The following SH3GL2 variants were observed in gnomAD, a reference collection of about 807,000 sequenced individuals.
SH3GL2 encodes SH3 domain containing GRB2 like 2, endophilin A1.
Under a neutral mutation model 46.0 loss-of-function variants are expected in SH3GL2, and 24 were observed. The observed-to-expected ratio is 0.52, with a 90% confidence interval of 0.38 to 0.73. The LOEUF (loss-of-function observed/expected upper bound fraction) is 0.73, where lower values mean the gene tolerates loss of function less well. SH3GL2 is among the 30% of genes least tolerant of loss of function. The pLI is 0.00. For synonymous variants in SH3GL2, 196 were observed against 147.1 expected (o/e 1.33, Z -2.40); for missense variants, 413 against 424.2 (o/e 0.97, Z 0.23).
At chr9:17,709,091 T>C (rs1051879808) in intron 1 of SH3GL2, among the ~76,000 whole-genome samples, 1 of 152,082 alleles carries the variant, frequency 6.6e-6, no homozygotes, top group East Asian at 1.9e-4. Context: ...AGTTTTTGTT[T>C]CTAATGTGGG....
intron 3 of SH3GL2, among the ~76,000 whole-genome samples, chr9:17,783,335 C>G (rs1823865934): frequency 6.6e-6 from 1 of 151,514 alleles, no homozygotes; most frequent in African/African-American, 2.4e-5. Context: ...GAAATAAAAA[C>G]TAAGATTTAG....
chr9:17,617,703 A>G (rs775819025), intron 1 of SH3GL2, among the ~76,000 whole-genome samples: 4 of 152,312 alleles, frequency 2.6e-5, no homozygotes, highest in Non-Finnish European at 5.9e-5. Context: ...GATACTGGAA[A>G]CTAGCTAACT....
chr9:17,777,652 A>G (rs1823679690), intron 3 of SH3GL2, among the ~76,000 whole-genome samples: 1 of 152,038 alleles, frequency 6.6e-6, no homozygotes, highest in Admixed American at 6.6e-5. Context: ...ACGCCTTCTC[A>G]CTATGTCCTC....
At chr9:17,763,740 G>A (rs748695942) in intron 3 of SH3GL2, among the ~76,000 whole-genome samples, 12 of 152,020 alleles carry the variant, frequency 7.9e-5, no homozygotes, top group Non-Finnish European at 5.9e-5. Flanking sequence ...TTTTATTCAG[G>A]AAAAAACAAG....
At chr9:17,654,877 C>T (rs1466202392) in intron 1 of SH3GL2, among the ~76,000 whole-genome samples, 1 of 152,150 alleles carries the variant, frequency 6.6e-6, no homozygotes, top group Non-Finnish European at 1.5e-5. Flanking sequence ...AACATGTAGA[C>T]ATTTTCCATC....
rs1818281938 is a variant in SH3GL2, at chr9:17,581,850, T to C, written c.45+2563T>C. 2.0e-5 allele frequency among the ~76,000 whole-genome samples: 3 copies of C among 152,106 alleles called. No homozygotes were observed. The South Asian group carries it at 6.2e-4, about 32-fold the overall frequency. ...AGTAGCTGGGATTATAGGCATGCAC[T>C]ACCACGCTCAGCTAATTTTTGTATT... On this transcript the variant is annotated intron_variant, in intron 1 of 8. Coordinates refer to ENST00000380607, the MANE Select transcript of SH3GL2 (RefSeq NM_003026.5).
chr9:17,779,823 T>A (rs1465585892), intron 3 of SH3GL2, among the ~76,000 whole-genome samples: 1 of 152,188 alleles, frequency 6.6e-6, no homozygotes, highest in Admixed American at 6.6e-5. Context: ...GGTTGTCTGC[T>A]ATACAACCAC....
chr9:17,640,638 C>A (rs977213895), intron 1 of SH3GL2, among the ~76,000 whole-genome samples: 2 of 152,168 alleles, frequency 1.3e-5, no homozygotes, highest in African/African-American at 2.4e-5. Flanking sequence ...TAGCAGACAG[C>A]ATATGCCCTC....
Position 17,777,194 on chromosome 9 carries a change from T to C in SH3GL2, c.188-9187T>C, listed in dbSNP as rs1309946590. Reference sequence around the variant, plus strand: ...TTGTTACCCAAGGACTCAATAACCATGCAGTCAATAAACTGTATATATTTT... The same window carrying C: ...TTGTTACCCAAGGACTCAATAACCACGCAGTCAATAAACTGTATATATTTT... On this transcript the variant is annotated intron_variant, in intron 3 of 8. Transcript: ENST00000380607. Among the ~76,000 whole-genome samples the C allele has an allele frequency of 2.0e-5, 3 of 152,146 alleles. No individual in the cohort carries two copies. The East Asian group carries it at 5.8e-4, about 29-fold the overall frequency.
rs549682823 is a variant in SH3GL2, at chr9:17,712,485, A to G, written c.46-34581A>G. ...TGATCAGTTTGTGCTAATTTTGTAT[A>G]TTACTGAAGGTGTGGATTGAATGTT... On this transcript the variant is annotated intron_variant, in intron 1 of 8. Coordinates refer to ENST00000380607, the MANE Select transcript of SH3GL2 (RefSeq NM_003026.5). 1.5e-3 allele frequency among the ~76,000 whole-genome samples: 228 copies of G among 151,964 alleles called. 3 individuals are homozygous for G. Among genetic ancestry groups the G allele is most frequent in the Non-Finnish European group, 4.3e-4 (29 of 67,816 alleles).
chr9:17,653,244 C>T (rs562038383), intron 1 of SH3GL2, among the ~76,000 whole-genome samples: 1 of 152,090 alleles, frequency 6.6e-6, no homozygotes, highest in Admixed American at 6.6e-5. Flanking sequence ...TTGCTGTTTT[C>T]TTTTCTACCT....
intron 1 of SH3GL2, among the ~76,000 whole-genome samples, chr9:17,582,250 T>G (rs1818291266): frequency 6.8e-6 from 1 of 147,630 alleles, no homozygotes; most frequent in Admixed American, 6.9e-5. Flanking sequence ...GAAAATCCTT[T>G]CAGCATGAAA....
rs140817546 is a variant in SH3GL2 at position 17,786,566 on chromosome 9, A to G, written c.331+42A>G. ...CACATTGTAATTCTTTCATTTGTCC[A>G]TGGGGATTTTGGTGCTGGTAAGAAA... On this transcript the variant is annotated intron_variant, in intron 4 of 8. Transcript: ENST00000380607. The G allele has an allele frequency of 2.9e-4, 465 of 1,599,014 alleles. 3 individuals carry two copies. The African/African-American group carries it at 3.2e-3, about 11-fold the overall frequency.
Position 17,579,091 on chromosome 9 carries a change from C to A in SH3GL2, c.-152C>A, listed in dbSNP as rs1039089267. 101 of 495,716 alleles carry A rather than the reference C, an allele frequency of 2.0e-4. No homozygotes were observed. Among genetic ancestry groups the A allele is most frequent in the African/African-American group, 2.0e-3 (95 of 48,368 alleles). The allele number at this position is 495,716 out of a possible 1,614,324, so 30.7% of individuals were successfully genotyped here. The stretch of plus-strand genomic sequence containing the variant: ...GTCAGAGTGTTTCTCCGCAAGAGCC[C>A]GTGTCCCGCTAGGCTCCGCGCCCTC... On this transcript the variant is annotated 5_prime_UTR_variant, in exon 1 of 9. Coordinates refer to ENST00000380607, the MANE Select transcript of SH3GL2 (RefSeq NM_003026.5).
chr9:17,733,410 A>G (rs545052390), intron 1 of SH3GL2, among the ~76,000 whole-genome samples: 17 of 152,064 alleles, frequency 1.1e-4, no homozygotes, highest in African/African-American at 3.1e-4. Context: ...ATATCTCCCA[A>G]TGCTATCCCT....
chr9:17,691,810 T>G (rs1289395084), intron 1 of SH3GL2, among the ~76,000 whole-genome samples: 1 of 152,166 alleles, frequency 6.6e-6, no homozygotes, highest in African/African-American at 2.4e-5. Flanking sequence ...AGTATTTGAT[T>G]TGGACTTTAA....
At chr9:17,644,833 T>C (rs1272362346) in intron 1 of SH3GL2, among the ~76,000 whole-genome samples, 1 of 152,174 alleles carries the variant, frequency 6.6e-6, no homozygotes, top group Non-Finnish European at 1.5e-5. Context: ...TAGATGTCTA[T>C]TAGGTCTGCT....
In SH3GL2 at chr9:17,709,196, A is replaced by G. The variant is rs1415751341; in HGVS notation, c.46-37870A>G. On this transcript the variant is annotated intron_variant, in intron 1 of 8. Transcript: ENST00000380607. ...GGGCTTGCTTATTTGGGGACCATGA[A>G]GAATCCATTTGGCCTGAAAAAAGCT... Among the ~76,000 whole-genome samples, 3 of 152,060 alleles carry G rather than the reference A, an allele frequency of 2.0e-5. No individual in the cohort carries two copies. In the East Asian group the frequency reaches 5.8e-4, roughly 29 times the overall value.
chr9:17,649,974 A>G (rs1819916608), intron 1 of SH3GL2, among the ~76,000 whole-genome samples: 1 of 152,200 alleles, frequency 6.6e-6, no homozygotes, highest in African/African-American at 2.4e-5. Context: ...CTTTAAATTG[A>G]TTAATCTAAA....
Sources: allele counts gnomAD v4.1 joint callset (sites outside exome capture counted in the v4.1 genomes callset), GRCh38; gene constraint gnomAD v4.1.1; transcripts MANE v1.5; gene names NCBI Gene and HGNC (gene_info 2026-07-23, HGNC 2026-07-21).